The following SLC12A8 variants were observed in gnomAD, a reference collection of about 807,000 sequenced individuals.
SLC12A8 encodes cation-chloride cotransporter 9.
A neutral mutation model predicts 75.6 loss-of-function variants in SLC12A8; 69 were observed. The observed-to-expected ratio is 0.91, with a 90% CI of 0.75 to 1.11. The LOEUF (loss-of-function observed/expected upper bound fraction) is 1.11, where lower values mean the gene tolerates loss of function less well. Among genes scored for constraint, SLC12A8 ranks in the 50% most tolerant of loss-of-function variants. The pLI, the probability that SLC12A8 is intolerant of heterozygous loss-of-function variation, is 0.00. For synonymous variants in SLC12A8, 365 were observed against 372.8 expected (o/e 0.98, Z 0.24); for missense variants, 877 against 896.7 (o/e 0.98, Z 0.28).
intron 4 of SLC12A8, among the ~76,000 whole-genome samples, chr3:125,180,172 A>T (rs914103665): frequency 3.3e-5 from 5 of 152,138 alleles, no homozygotes; most frequent in African/African-American, 1.2e-4. Flanking sequence ...AGATGCCAGC[A>T]ACAGGGGATG....
chr3:125,145,447 C>T (rs1290405363), intron 5 of SLC12A8, among the ~76,000 whole-genome samples: 2 of 152,170 alleles, frequency 1.3e-5, no homozygotes, highest in Admixed American at 1.3e-4. Context: ...TATATCGATA[C>T]AATGGAATGT....
intron 10 of SLC12A8, among the ~76,000 whole-genome samples, chr3:125,097,775 A>C (rs1480357906): frequency 6.6e-6 from 1 of 152,040 alleles, no homozygotes; most frequent in East Asian, 1.9e-4. Flanking sequence ...TGACTAGAGG[A>C]ATTTTTTTTC....
At chr3:125,137,435 A>C (rs772408937) in intron 5 of SLC12A8, among the ~76,000 whole-genome samples, 1 of 152,212 alleles carries the variant, frequency 6.6e-6, no homozygotes, top group Non-Finnish European at 1.5e-5. Context: ...AAAAAGCAAT[A>C]ATAGCTAAGT....
intron 8 of SLC12A8, among the ~76,000 whole-genome samples, chr3:125,116,084 G>A (rs918964628): frequency 4.3e-4 from 65 of 152,332 alleles, no homozygotes; most frequent in African/African-American, 1.3e-3. Flanking sequence ...CTACTGCAGC[G>A]GAGTCAGTCC....
At chr3:125,209,988 A>T (rs1167519499) in intron 2 of SLC12A8, among the ~76,000 whole-genome samples, 6 of 152,202 alleles carry the variant, frequency 3.9e-5, no homozygotes, top group African/African-American at 1.4e-4. Flanking sequence ...ATGGATTTCT[A>T]AATCATGAAC....
chr3:125,102,316 T>C (rs996351562), intron 10 of SLC12A8, among the ~76,000 whole-genome samples: 3 of 152,138 alleles, frequency 2.0e-5, no homozygotes, highest in Admixed American at 6.6e-5. Flanking sequence ...GTTTAGGACA[T>C]CAGTTTGGGT....
At chr3:125,106,603 C>T (rs893635007) in intron 10 of SLC12A8, among the ~76,000 whole-genome samples, 10 of 152,186 alleles carry the variant, frequency 6.6e-5, no homozygotes, top group Admixed American at 5.9e-4. Flanking sequence ...CAAGGTTTCA[C>T]CATGTTGGTC....
At chr3:125,129,338 A>G (rs573060070) in intron 6 of SLC12A8, among the ~76,000 whole-genome samples, 27 of 152,344 alleles carry the variant, frequency 1.8e-4, no homozygotes, top group African/African-American at 5.8e-4. Context: ...AAAGTTTGGT[A>G]GTGGAGCTTG....
At position 125,141,171 on chromosome 3, in the gene SLC12A8, G is replaced by T. The variant is rs781309688; in HGVS notation, c.623-5389C>A. 2.7e-5 allele frequency among the ~76,000 whole-genome samples: 4 copies of T among 148,078 alleles called. 1 individual carries two copies. The South Asian group carries it at 9.3e-4, about 34-fold the overall frequency. ...AAGAACAAAAACAAAAAGGGGGGTG[G>T]GGTGGGGTGCGGGTAAGACAGAGAA... On this transcript the variant is annotated intron_variant, in intron 5 of 13. Coordinates refer to ENST00000469902, the MANE Select transcript of SLC12A8 (RefSeq NM_024628.6).
chr3:125,131,837 G>A (rs910214054), intron 6 of SLC12A8, among the ~76,000 whole-genome samples: 1 of 152,158 alleles, frequency 6.6e-6, no homozygotes, highest in Non-Finnish European at 1.5e-5. Flanking sequence ...TGGAGTCGGG[G>A]GCAGGGAGAG....
rs1366212630 is a variant in SLC12A8, at chr3:125,135,576, A to C, written c.736+93T>G. On this transcript the variant is annotated intron_variant, in intron 6 of 13. Coordinates refer to ENST00000469902, the MANE Select transcript of SLC12A8 (RefSeq NM_024628.6). ...ATATCTAAAGTTGGATATACATACC[A>C]AGAGTACCTGCAGGCCAATGATGAT... 3 of 686,952 alleles carry C rather than the reference A, an allele frequency of 4.4e-6. No individual in the cohort carries two copies. In the African/African-American group the frequency reaches 5.4e-5, roughly 12 times the overall value. 42.6% of individuals were successfully genotyped at this position (686,952 alleles called of 1,614,324 possible).
intron 2 of SLC12A8, among the ~76,000 whole-genome samples, chr3:125,200,002 G>A (rs1459240488): frequency 6.6e-6 from 1 of 152,164 alleles, no homozygotes; most frequent in Non-Finnish European, 1.5e-5. Flanking sequence ...TAAAGTTACA[G>A]TGAGAACAAT....
intron 3 of SLC12A8, among the ~76,000 whole-genome samples, chr3:125,189,549 C>T (rs899249700): frequency 2.0e-5 from 3 of 152,226 alleles, no homozygotes; most frequent in African/African-American, 7.2e-5. Flanking sequence ...TATCTACCCA[C>T]CACAGCTGTT....
At chr3:125,153,704 C>T (rs1933985837) in intron 5 of SLC12A8, among the ~76,000 whole-genome samples, 1 of 152,042 alleles carries the variant, frequency 6.6e-6, no homozygotes, top group South Asian at 2.1e-4. Flanking sequence ...AGTGGTGTGA[C>T]CTTGGCTCAC....
chr3:125,178,252 GGAA>G (rs752255931), intron 4 of SLC12A8, among the ~76,000 whole-genome samples: 3 of 152,168 alleles, frequency 2.0e-5, no homozygotes, highest in African/African-American at 7.2e-5. Context: ...GACTATGGGA[GGAA>G]GAAGATGGGA....
intron 2 of SLC12A8, among the ~76,000 whole-genome samples, chr3:125,199,515 G>A (rs1416656520): frequency 1.3e-5 from 2 of 152,036 alleles, no homozygotes; most frequent in Admixed American, 1.3e-4. Context: ...GCCAAGGCAG[G>A]AGGGCCACTT....
At chr3:125,093,500 G>A (rs1378846134) in intron 10 of SLC12A8, among the ~76,000 whole-genome samples, 1 of 152,122 alleles carries the variant, frequency 6.6e-6, no homozygotes, top group African/African-American at 2.4e-5. Flanking sequence ...CACGTCTCAT[G>A]GATCCCCTAG....
Position 125,197,392 on chromosome 3 carries a change from A to G in SLC12A8, c.52-6871T>C, listed in dbSNP as rs1353152558. Among the ~76,000 whole-genome samples the G allele has an allele frequency of 2.0e-5, 3 of 152,138 alleles. 1 individual carries two copies. The highest frequency in any genetic ancestry group is 6.3e-3 in the Middle Eastern group (2 of 316). On this transcript the variant is annotated intron_variant, in intron 2 of 13. Coordinates refer to ENST00000469902, the MANE Select transcript of SLC12A8 (RefSeq NM_024628.6). ...CTGCAGCCTCAACTTTCCAGGCTGA[A>G]GCAATCCTCCTGCCTAAGCTTCCTG...
Position 125,139,906 on chromosome 3 carries a change from C to G in SLC12A8, c.623-4124G>C, listed in dbSNP as rs138891342. On this transcript the variant is annotated intron_variant, in intron 5 of 13. Transcript: ENST00000469902. ...CCCCATAGACACCACATTTTGCATA[C>G]CATTTTGGGGAAGGGCAGATTTCTG... 2.5e-3 allele frequency among the ~76,000 whole-genome samples: 382 copies of G among 152,282 alleles called. 5 individuals are homozygous for G. Among genetic ancestry groups the G allele is most frequent in the African/African-American group, 8.9e-3 (369 of 41,544 alleles).
Sources: gnomAD v4.1 joint callset for allele counts (sites outside exome capture counted in the v4.1 genomes callset) on GRCh38, gnomAD v4.1.1 for gene constraint, MANE v1.5 for transcripts, NCBI Gene and HGNC (gene_info 2026-07-23, HGNC 2026-07-21) for gene names.